The following ZFHX3 variants were observed in gnomAD, a reference collection of about 807,000 sequenced individuals.
ZFHX3 encodes zinc finger homeobox protein 3.
A neutral mutation model predicts 279.1 loss-of-function variants in ZFHX3; 42 were observed. The ratio of observed to expected loss-of-function variants is 0.15; its 90% CI spans 0.12 to 0.19. The LOEUF (loss-of-function observed/expected upper bound fraction) is 0.19. ZFHX3 is among the 10% of genes least tolerant of loss of function. The probability of loss-of-function intolerance (pLI) is 1.00; values close to 1 mark genes in which losing one functional copy is unlikely to be tolerated. For synonymous variants in ZFHX3, 2,293 were observed against 1,957.8 expected (o/e 1.17, Z -4.52); for missense variants, 4,981 against 4,754.0 (o/e 1.05, Z -1.40).
Position 72,960,196 on chromosome 16 carries a change from T to G in ZFHX3, c.-49-2A>C. 2.0e-6 allele frequency: 3 copies of G among 1,471,456 alleles called. No homozygotes were observed. The highest frequency in any genetic ancestry group is 2.4e-5 in the East Asian group (1 of 41,996). 91.1% of individuals were successfully genotyped at this position (1,471,456 alleles called of 1,614,324 possible). On this transcript the variant is annotated splice_acceptor_variant, in intron 1 of 9. Transcript: ENST00000268489. LOFTEE classifies it low-confidence loss of function (5UTR_SPLICE). ...TGCACCCAGTACGGAGGCTCGGACC[T>G]GAAGGGCAGAGGCAAGGGGGGAGGA... is the stretch of plus-strand genomic sequence containing the variant.
chr16:73,157,966 G>T (rs1215356998), intron 5 of ZFHX3, among the ~76,000 whole-genome samples: 1 of 151,884 alleles, frequency 6.6e-6, no homozygotes, highest in African/African-American at 2.4e-5. Context: ...ATGAACAGAA[G>T]TGACAGTTTT....
At chr16:73,483,890 G>T (rs981428138) in intron 2 of ZFHX3, among the ~76,000 whole-genome samples, 11 of 148,422 alleles carry the variant, frequency 7.4e-5, no homozygotes, top group African/African-American at 2.7e-4. Context: ...GCAGGCGGCT[G>T]TCTTTTCTTT....
chr16:72,902,274 T>C (rs554508657), intron 3 of ZFHX3, among the ~76,000 whole-genome samples: 1 of 152,226 alleles, frequency 6.6e-6, no homozygotes, highest in Non-Finnish European at 1.5e-5. Flanking sequence ...CTTTAAGAGG[T>C]TCTCAATCAG....
At chr16:73,014,167 C>T (rs561110644) in intron 1 of ZFHX3, among the ~76,000 whole-genome samples, 4 of 152,238 alleles carry the variant, frequency 2.6e-5, no homozygotes, top group East Asian at 1.9e-4. Flanking sequence ...AGAACCTAGA[C>T]CATGCAAGGA....
intron 3 of ZFHX3, among the ~76,000 whole-genome samples, chr16:72,938,404 T>C (rs1267363535): frequency 6.6e-6 from 1 of 152,236 alleles, no homozygotes; most frequent in Non-Finnish European, 1.5e-5. Flanking sequence ...GCTTTGTGGC[T>C]GTTGTCTGAA....
chr16:73,079,042 T>C (rs953983138), intron 8 of ZFHX3, among the ~76,000 whole-genome samples: 1 of 152,108 alleles, frequency 6.6e-6, no homozygotes, highest in East Asian at 1.9e-4. Context: ...TCATGAAATA[T>C]CTTTGTAGCC....
exon 3 of ZFHX3, chr16:73,456,229 T>C (rs2143570445): frequency 6.6e-6 from 1 of 152,276 alleles, no homozygotes; most frequent in East Asian, 1.9e-4. Flanking sequence ...GACAGGGATA[T>C]TTTATACTTG....
At chr16:73,176,561 G>C (rs529235608) in intron 5 of ZFHX3, among the ~76,000 whole-genome samples, 1 of 151,458 alleles carries the variant, frequency 6.6e-6, no homozygotes, top group Non-Finnish European at 1.5e-5. Context: ...AAATGCCCTC[G>C]GCTGAATTTT....
intron 1 of ZFHX3, among the ~76,000 whole-genome samples, chr16:73,031,283 G>C (rs1567641677): frequency 6.6e-6 from 1 of 152,308 alleles, no homozygotes; most frequent in South Asian, 2.1e-4. Flanking sequence ...TGGCGGCGGG[G>C]GGGGAAGTAA....
chr16:73,651,997 T>C (rs1026050972), intron 2 of ZFHX3, among the ~76,000 whole-genome samples: 2 of 152,078 alleles, frequency 1.3e-5, no homozygotes, highest in African/African-American at 4.8e-5. Flanking sequence ...AGAGAAAACA[T>C]CTTTTAAGAG....
At chr16:73,522,502 G>C (rs571562737) in intron 2 of ZFHX3, among the ~76,000 whole-genome samples, 2 of 152,256 alleles carry the variant, frequency 1.3e-5, no homozygotes, top group South Asian at 4.1e-4. Context: ...TGGGATTCGG[G>C]AAAATGGTTA....
intron 1 of ZFHX3, among the ~76,000 whole-genome samples, chr16:73,804,816 A>G (rs1433564989): frequency 6.7e-6 from 1 of 150,320 alleles, no homozygotes; most frequent in Non-Finnish European, 1.5e-5. Context: ...TCTAAACTCT[A>G]TGAAATCTTC....
chr16:73,722,887 T>C (rs1204941697), intron 1 of ZFHX3, among the ~76,000 whole-genome samples: 1 of 152,204 alleles, frequency 6.6e-6, no homozygotes, highest in Non-Finnish European at 1.5e-5. Context: ...CCCATCTTTT[T>C]CCTAGCAGAC....
At chr16:73,641,089 C>A (rs957825644) in intron 2 of ZFHX3, among the ~76,000 whole-genome samples, 1 of 152,144 alleles carries the variant, frequency 6.6e-6, no homozygotes, top group East Asian at 1.9e-4. Context: ...ATTCTACACC[C>A]ACAGTATCGA....
intron 5 of ZFHX3, among the ~76,000 whole-genome samples, chr16:73,160,641 C>G (rs1247339855): frequency 6.6e-6 from 1 of 152,124 alleles, no homozygotes; most frequent in Non-Finnish European, 1.5e-5. Context: ...TCCTTAATTG[C>G]TTGGTTCAAG....
At chr16:73,578,013 C>G (rs1265018036) in intron 2 of ZFHX3, among the ~76,000 whole-genome samples, 1 of 152,246 alleles carries the variant, frequency 6.6e-6, no homozygotes, top group African/African-American at 2.4e-5. Context: ...TCCGGCCAAA[C>G]TGGTTGTTGA....
Position 73,795,061 on chromosome 16 carries a change from G to C in ZFHX3, c.-1608+96590C>G, listed in dbSNP as rs186105063. 1.2e-4 allele frequency among the ~76,000 whole-genome samples: 19 copies of C among 152,290 alleles called. No homozygotes were observed. In the East Asian group the frequency reaches 3.7e-3, roughly 29 times the overall value. ...AAAGGAAGCTCAGTGCTTGGAACAA[G>C]TATTGGCTCAAGCAAACACATACTT... On this transcript the variant is annotated intron_variant, in intron 1 of 17. Coordinates refer to the ZFHX3 transcript ENST00000641206.
At chr16:73,644,045 C>A (rs1022991215) in intron 2 of ZFHX3, among the ~76,000 whole-genome samples, 2 of 152,122 alleles carry the variant, frequency 1.3e-5, no homozygotes, top group East Asian at 3.9e-4. Flanking sequence ...GTTCATTCAT[C>A]TTTCTGCAGG....
intron 1 of ZFHX3, among the ~76,000 whole-genome samples, chr16:73,763,046 T>C (rs1234966148): frequency 6.6e-6 from 1 of 152,148 alleles, no homozygotes; most frequent in Non-Finnish European, 1.5e-5. Context: ...TCCCCACTAA[T>C]GTATTGTAAT....
Sources: allele counts gnomAD v4.1 joint callset (sites outside exome capture counted in the v4.1 genomes callset), GRCh38; gene constraint gnomAD v4.1.1; transcripts MANE v1.5; gene names NCBI Gene and HGNC (gene_info 2026-07-23, HGNC 2026-07-21).